Variants in CMYA5 observed in about 807,000 individuals in gnomAD.
CMYA5 encodes cardiomyopathy-associated protein 5.
Under a neutral mutation model 318.9 loss-of-function variants are expected in CMYA5, and 246 were observed. That is an observed-to-expected ratio of 0.77 (90% CI 0.70 to 0.86). CMYA5 has a LOEUF of 0.86. Ranked by LOEUF, CMYA5 falls within the 40% of genes least tolerant of loss-of-function variation. The pLI is 0.00. For missense variants in CMYA5, 4,589 were observed against 4,678.2 expected (o/e 0.98, Z 0.56); for synonymous variants, 1,641 against 1,729.5 (o/e 0.95, Z 1.27).
In CMYA5 at chr5:79,793,559, C is replaced by T; in HGVS notation, c.11912C>T (p.Ala3971Val). The change falls in exon 12 of 13, where the codon GCC (alanine) becomes GTC (valine). Residue 3971 changes from alanine to valine, a missense_variant. Ala to Val is a moderately conservative substitution (Grantham distance 64). Transcript: ENST00000446378. ...TCCAGCTCGGCTGTGCAGGCAGGTG[C>T]CCTAGGACAAGGGGAGACCTCATGG... ...ICSSSAVQAG[A>V]LGQGETSWYM... The T allele has an allele frequency of 1.9e-6, 3 of 1,613,722 alleles. No individual in the cohort carries two copies. The highest frequency in any genetic ancestry group is 2.2e-5 in the East Asian group (1 of 44,870).
At chr5:79,778,811 CTGTGTGTGTG>C (rs35461782) in intron 9 of CMYA5, among the ~76,000 whole-genome samples, 3 of 85,024 alleles carry the variant, frequency 3.5e-5, no homozygotes, top group Non-Finnish European at 6.2e-5. Flanking sequence ...CTCTCTCTTT[CTGTGTGTGTG>C]TGTGTGTGTG....
Position 79,734,231 on chromosome 5 carries a change from AAAG to A in CMYA5, c.5468_5470del (p.Lys1823del), listed in dbSNP as rs1827994958. 2.5e-6 allele frequency: 4 copies of A among 1,613,794 alleles called. No homozygotes were observed. The East Asian group carries it at 8.9e-5, about 36-fold the overall frequency. On this transcript the variant is annotated inframe_deletion, in exon 2 of 13. Transcript: ENST00000446378. The stretch of plus-strand genomic sequence containing the variant: ...CTTCTGACCTCCTTGTAGAACAAAA[AAAG>A]ACAGAAAAAGCACTTCATTCAGATC...
Position 79,734,246 on chromosome 5 carries a change from A to C in CMYA5, c.5481A>C (p.Ala1827=), listed in dbSNP as rs750247975. 2 of 1,613,736 alleles carry C rather than the reference A, an allele frequency of 1.2e-6. No homozygotes were observed. The highest frequency in any genetic ancestry group is 1.7e-6 in the Non-Finnish European group (2 of 1,179,796). ...LLVEQKKTEK[A]LHSDQTVKLP... is the part of the protein sequence containing the mutation. ...TAGAACAAAAAAAGACAGAAAAAGC[A>C]CTTCATTCAGATCAAACTGTTAAAT... The change falls in exon 2 of 13, where the codon GCA becomes GCC. Residue 1827 remains alanine (A), a synonymous_variant. Coordinates refer to ENST00000446378, the MANE Select transcript of CMYA5 (RefSeq NM_153610.5).
chr5:79,777,912 G>C (rs185444), intron 9 of CMYA5: 58,406 of 151,798 alleles, frequency 0.38, 11,692 homozygotes, highest in East Asian at 0.55. Context: ...ACGAGGTCAG[G>C]AGTTCAAGAC....
At chr5:79,748,419 G>A (rs73125647) in intron 5 of CMYA5, among the ~76,000 whole-genome samples, 9,624 of 152,192 alleles carry the variant, frequency 0.063, 664 homozygotes, top group African/African-American at 0.17. Context: ...GCATCTGCTT[G>A]TTACCAATTC....
In CMYA5 at chr5:79,689,894, G is replaced by A. The variant is rs1402295244; in HGVS notation, c.-14G>A. ...GGCTCCGGCTCCGGCCCCGGCCCAGGCCCGGGAGAGGCGATGGCGAGCCGC... is the reference window on the plus strand; with the variant it reads ...GGCTCCGGCTCCGGCCCCGGCCCAGACCCGGGAGAGGCGATGGCGAGCCGC... On this transcript the variant is annotated 5_prime_UTR_variant, in exon 1 of 13. Transcript: ENST00000446378. 1 of 755,894 alleles carries A rather than the reference G, an allele frequency of 1.3e-6. No homozygotes were observed. The highest frequency in any genetic ancestry group is 1.5e-5 in the South Asian group (1 of 67,370). 46.8% of individuals were successfully genotyped at this position (755,894 alleles called of 1,614,324 possible). A position where few individuals can be genotyped will look rare whatever the true frequency, so the allele number is the denominator to read the frequency against.
At chr5:79,793,190 A>G (rs1404784876) in intron 11 of CMYA5, among the ~76,000 whole-genome samples, 1 of 152,164 alleles carries the variant, frequency 6.6e-6, no homozygotes, top group African/African-American at 2.4e-5. Flanking sequence ...TAAGAGTTGC[A>G]GTGTACAACA....
At chr5:79,768,167 A>T (rs1305106797) in intron 9 of CMYA5, among the ~76,000 whole-genome samples, 2 of 150,744 alleles carry the variant, frequency 1.3e-5, no homozygotes, top group African/African-American at 2.4e-5. Context: ...GTATTCCTCC[A>T]TCCCTTTATT....
intron 4 of CMYA5, among the ~76,000 whole-genome samples, chr5:79,746,778 C>T (rs1828332123): frequency 6.6e-6 from 1 of 152,084 alleles, no homozygotes; most frequent in Non-Finnish European, 1.5e-5. Context: ...AGAGCATAAG[C>T]AACTCATTGC....
chr5:79,751,627 A>G (rs1009751389), intron 5 of CMYA5, among the ~76,000 whole-genome samples: 1 of 152,190 alleles, frequency 6.6e-6, no homozygotes, highest in Non-Finnish European at 1.5e-5. Flanking sequence ...CCACAAAACT[A>G]TTGGCCTCTT....
chr5:79,727,707 T>C (rs550544504), intron 1 of CMYA5, among the ~76,000 whole-genome samples: 23 of 152,256 alleles, frequency 1.5e-4, no homozygotes, highest in Admixed American at 3.9e-4. Flanking sequence ...GTTGCAGAAG[T>C]GGAGTATTGT....
At position 79,736,273 on chromosome 5, in the gene CMYA5, C is replaced by A; in HGVS notation, c.7508C>A (p.Thr2503Asn). ...CAAATTACACTTGGATCTAGATCTA[C>A]TGAACTGAAAGAATCAAAAGCCGAT... ...KTQITLGSRS[T>N]ELKESKADAM... The change falls in exon 2 of 13, where the codon ACT (threonine) becomes AAT (asparagine). Residue 2503 changes from threonine (T) to asparagine (N), a missense_variant. Thr to Asn is a moderately conservative substitution (Grantham distance 65, BLOSUM62 0). Around this residue, in one of 3 missense-constraint regions of CMYA5, gnomAD observed 2,431 missense variants for 2,495.1 expected, o/e 0.97. Transcript: ENST00000446378. 1 of 1,613,264 alleles carries A rather than the reference C, an allele frequency of 6.2e-7. No individual in the cohort carries two copies. The highest frequency in any genetic ancestry group is 8.5e-7 in the Non-Finnish European group (1 of 1,179,686).
intron 2 of CMYA5, among the ~76,000 whole-genome samples, chr5:79,739,863 GT>G (rs1828175592): frequency 6.6e-6 from 1 of 151,916 alleles, no homozygotes; most frequent in African/African-American, 2.4e-5. Flanking sequence ...CACACCTGTA[GT>G]TTAAGTTACT....
chr5:79,727,911 G>A (rs1827780764), intron 1 of CMYA5, among the ~76,000 whole-genome samples: 2 of 152,216 alleles, frequency 1.3e-5, no homozygotes, highest in African/African-American at 2.4e-5. Context: ...TCTGTATCCT[G>A]TAGCAGCTGC....
At chr5:79,789,684 C>T (rs1829141646) in intron 10 of CMYA5, among the ~76,000 whole-genome samples, 1 of 151,992 alleles carries the variant, frequency 6.6e-6, no homozygotes, top group Non-Finnish European at 1.5e-5. Context: ...CTCAGCCTCC[C>T]AAAGTTCTGG....
intron 12 of CMYA5, among the ~76,000 whole-genome samples, chr5:79,795,421 G>A (rs747521204): frequency 4.6e-5 from 7 of 152,138 alleles, no homozygotes; most frequent in Non-Finnish European, 1.0e-4. Context: ...GGAAGGAGGC[G>A]TGAAGATCAT....
chr5:79,739,665 AAC>A (rs368541481), intron 2 of CMYA5, among the ~76,000 whole-genome samples: 21 of 149,668 alleles, frequency 1.4e-4, no homozygotes, highest in South Asian at 2.1e-4. Context: ...ATCCAGGAAA[AAC>A]ACACACACAC....
Position 79,730,963 on chromosome 5 carries a change from C to A in CMYA5, c.2198C>A (p.Ser733Ter), listed in dbSNP as rs534937205. ...LKGVSEYMIP[S>*]EEKEDTGSFT... ...GGTGTTTCTGAGTACATGATTCCAT[C>A]AGAAGAGAAGGAAGACACTGGATCG... Residue 733 changes from serine (S) to a stop codon, truncating the protein, a stop_gained, in exon 2 of 13, where the codon TCA becomes TAA. Transcript: ENST00000446378. LOFTEE classifies it high-confidence loss of function. The A allele has an allele frequency of 6.2e-7, 1 of 1,613,942 alleles. No homozygotes were observed. Among genetic ancestry groups the A allele is most frequent in the South Asian group, 1.1e-5 (1 of 91,068 alleles).
intron 1 of CMYA5, among the ~76,000 whole-genome samples, chr5:79,702,213 A>G (rs561943891): frequency 8.3e-4 from 127 of 152,308 alleles, no homozygotes; most frequent in Non-Finnish European, 1.7e-3. Flanking sequence ...CCGGAGCAAC[A>G]TGGCGAGACC....
Sources: gnomAD v4.1 joint callset for allele counts (sites outside exome capture counted in the v4.1 genomes callset) on GRCh38, gnomAD v4.1.1 for gene constraint, gnomAD v4.1.1 regional missense constraint, MANE v1.5 for transcripts, NCBI Gene and HGNC (gene_info 2026-07-23, HGNC 2026-07-21) for gene names.